Variants in FTCDNL1 observed in about 807,000 individuals in gnomAD.
FTCDNL1 encodes the protein formiminotransferase cyclodeaminase N-terminal like.
In FTCDNL1, 11 loss-of-function variants were observed where a neutral mutation model predicts 5.9. The ratio of observed to expected loss-of-function variants is 1.87; its 90% CI spans 1.18 to 3.10. FTCDNL1 has a LOEUF of 3.10. FTCDNL1 is among the 30% of genes most tolerant of loss of function. The pLI, the probability that FTCDNL1 is intolerant of heterozygous loss-of-function variation, is 0.00. For missense variants in FTCDNL1, 115 were observed against 65.5 expected, an observed-to-expected ratio of 1.76 and a Z score of -2.61; for synonymous variants, 58 against 24.8, an observed-to-expected ratio of 2.34 and a Z score of -3.99.
At chr2:199,780,373 A>G (rs1353843113) in intron 3 of FTCDNL1, among the ~76,000 whole-genome samples, 4 of 151,746 alleles carry the variant, frequency 2.6e-5, no homozygotes, top group Non-Finnish European at 2.9e-5. Context: ...CTGTGGAATG[A>G]CTCCTGCTGA....
In FTCDNL1 at chr2:199,830,323, T is replaced by C. The variant is rs556637423; in HGVS notation, c.212-10566A>G. On this transcript the variant is annotated intron_variant, in intron 3 of 4. Transcript: ENST00000420128. ...CTCGCTACAGTATGTTTAAAAAGAGTGGCATTTGAAAATACAGTATAGCAG... is the reference window on the plus strand; with the variant it reads ...CTCGCTACAGTATGTTTAAAAAGAGCGGCATTTGAAAATACAGTATAGCAG... Among the ~76,000 whole-genome samples the C allele has an allele frequency of 2.0e-5, 3 of 152,140 alleles. No individual in the cohort carries two copies. In the South Asian group the frequency reaches 6.2e-4, roughly 32 times the overall value.
At chr2:199,671,117 A>G in the FTCDNL1 span, among the ~76,000 whole-genome samples, 6 of 151,706 alleles carry the variant, frequency 4.0e-5, no homozygotes, top group Non-Finnish European at 8.8e-5. Context: ...TTGCCCGGGA[A>G]GTGGGAAGAG....
At chr2:199,675,557 T>G in the FTCDNL1 span, among the ~76,000 whole-genome samples, 1 of 152,146 alleles carries the variant, frequency 6.6e-6, no homozygotes, top group Non-Finnish European at 1.5e-5. Flanking sequence ...AATTGATTTT[T>G]TTTTCTCTCA....
At chr2:199,758,404 T>A (rs926347589), downstream of FTCDNL1, among the ~76,000 whole-genome samples, 2 of 147,452 alleles carry the variant, frequency 1.4e-5, no homozygotes, top group Non-Finnish European at 3.0e-5. Flanking sequence ...TAAGAAATTA[T>A]GATAAAACTC....
At chr2:199,696,892 A>G in the FTCDNL1 span, among the ~76,000 whole-genome samples, 1 of 152,242 alleles carries the variant, frequency 6.6e-6, no homozygotes, top group Non-Finnish European at 1.5e-5. Context: ...AACCCAATCC[A>G]AGAAACCTAA....
chr2:199,774,547 AGG>A (rs1460825119), intron 3 of FTCDNL1, among the ~76,000 whole-genome samples: 1 of 152,098 alleles, frequency 6.6e-6, no homozygotes, highest in Non-Finnish European at 1.5e-5. Context: ...TGGGGGCTTT[AGG>A]GGGTGGGCAT....
the FTCDNL1 span, among the ~76,000 whole-genome samples, chr2:199,724,025 T>C: frequency 6.6e-6 from 1 of 152,306 alleles, no homozygotes; most frequent in South Asian, 2.1e-4. Context: ...GGGCTTTTTT[T>C]GGTTGGTAGG....
At chr2:199,734,121 AGGGTGTTTACAAAT>A in the FTCDNL1 span, among the ~76,000 whole-genome samples, 1 of 152,162 alleles carries the variant, frequency 6.6e-6, no homozygotes, top group Non-Finnish European at 1.5e-5. Flanking sequence ...TAAGATCTAG[AGGGTGTTTACAAAT>A]GATCTTCCAG....
intron 3 of FTCDNL1, among the ~76,000 whole-genome samples, chr2:199,837,712 A>C (rs978347574): frequency 1.3e-5 from 2 of 152,218 alleles, no homozygotes; most frequent in African/African-American, 4.8e-5. Context: ...AAAGTCCTTA[A>C]TGTTTTATAT....
chr2:199,737,029 T>C, the FTCDNL1 span, among the ~76,000 whole-genome samples: 3 of 152,230 alleles, frequency 2.0e-5, no homozygotes, highest in Non-Finnish European at 4.4e-5. Flanking sequence ...TGAGCCACAG[T>C]GCCTGAAGTA....
At chr2:199,700,013 C>G in the FTCDNL1 span, among the ~76,000 whole-genome samples, 1 of 152,106 alleles carries the variant, frequency 6.6e-6, no homozygotes, top group Admixed American at 6.5e-5. Flanking sequence ...CCTCTCTCAC[C>G]ACTCCTATTC....
chr2:199,682,583 G>C, the FTCDNL1 span, among the ~76,000 whole-genome samples: 1 of 152,108 alleles, frequency 6.6e-6, no homozygotes, highest in African/African-American at 2.4e-5. Flanking sequence ...ATTCCACACA[G>C]AACCATAATA....
the FTCDNL1 span, among the ~76,000 whole-genome samples, chr2:199,745,441 T>C: frequency 6.6e-6 from 1 of 152,240 alleles, no homozygotes; most frequent in Non-Finnish European, 1.5e-5. Flanking sequence ...TAAATCTGCT[T>C]TCCCATTTCT....
intron 3 of FTCDNL1, among the ~76,000 whole-genome samples, chr2:199,839,576 G>T (rs1324506047): frequency 6.6e-6 from 1 of 152,078 alleles, no homozygotes; most frequent in Non-Finnish European, 1.5e-5. Context: ...AAGTTTCAAA[G>T]AATAAAAGGA....
chr2:199,762,274 G>T (rs1347781802), intron 3 of FTCDNL1, among the ~76,000 whole-genome samples: 1 of 152,154 alleles, frequency 6.6e-6, no homozygotes, highest in Non-Finnish European at 1.5e-5. Context: ...AGCTACTCAG[G>T]AGGCTGAGGC....
intron 3 of FTCDNL1, among the ~76,000 whole-genome samples, chr2:199,799,350 C>T (rs1428873440): frequency 6.6e-6 from 1 of 152,200 alleles, no homozygotes; most frequent in Non-Finnish European, 1.5e-5. Context: ...TAGTTGGCCA[C>T]ACACTGCCAC....
the FTCDNL1 span, among the ~76,000 whole-genome samples, chr2:199,730,672 T>C: frequency 6.6e-6 from 1 of 152,092 alleles, no homozygotes; most frequent in South Asian, 2.1e-4. Flanking sequence ...AGAATGGCAA[T>C]CATTAAAAAG....
At chr2:199,815,405 G>T (rs747661679) in intron 4 of FTCDNL1, among the ~76,000 whole-genome samples, 6 of 152,072 alleles carry the variant, frequency 3.9e-5, no homozygotes, top group Non-Finnish European at 7.4e-5. Context: ...GTCCTGGATT[G>T]TTGACTGTAC....
At chr2:199,843,621 T>C (rs2076649403) in intron 3 of FTCDNL1, among the ~76,000 whole-genome samples, 1 of 152,164 alleles carries the variant, frequency 6.6e-6, no homozygotes, top group Non-Finnish European at 1.5e-5. Context: ...AAAGTCCAAA[T>C]CTACATCCCA....
Sources: allele counts gnomAD v4.1 joint callset (sites outside exome capture counted in the v4.1 genomes callset), GRCh38; gene constraint gnomAD v4.1.1; transcripts MANE v1.5; gene names NCBI Gene and HGNC (gene_info 2026-07-23, HGNC 2026-07-21).